Variants in LRRC53 observed in about 807,000 individuals in gnomAD.
LRRC53 encodes leucine-rich repeat-containing protein 53.
LRRC53 carries 25 observed loss-of-function variants against 13.6 expected under a neutral mutation model. That is an observed-to-expected ratio of 1.83 (90% CI 1.34 to 2.56). LRRC53 has a LOEUF of 2.56. Among genes scored for constraint, LRRC53 ranks in the 30% most tolerant of loss-of-function variants. The pLI is 0.00. For missense variants in LRRC53, 527 were observed against 275.8 expected (o/e 1.91, Z -6.45); for synonymous variants, 204 against 109.8 (o/e 1.86, Z -5.37).
chr1:74,486,199 TAAAG>T (rs1176159306), intron 1 of LRRC53, among the ~76,000 whole-genome samples: 2 of 57,764 alleles, frequency 3.5e-5, no homozygotes, highest in Non-Finnish European at 8.3e-5. Context: ...CTAAATGCTA[TAAAG>T]AGAGAGAGAG....
chr1:74,521,989 G>A, the LRRC53 span, among the ~76,000 whole-genome samples: 1 of 152,122 alleles, frequency 6.6e-6, no homozygotes, highest in Admixed American at 6.6e-5. Context: ...TCCAGGTAGA[G>A]TAAAAAAAAT....
Position 74,482,519 on chromosome 1 carries a change from T to C in LRRC53, c.88+743A>G, listed in dbSNP as rs1190214705. Among the ~76,000 whole-genome samples the C allele has an allele frequency of 3.3e-5, 5 of 152,214 alleles. No individual in the cohort carries two copies. In the East Asian group the frequency reaches 9.6e-4, roughly 29 times the overall value. On this transcript the variant is annotated intron_variant, in intron 2 of 4. Coordinates refer to ENST00000294635, the MANE Select transcript of LRRC53 (RefSeq NM_001382280.1). ...TATCCATGAAAACCTCTCTGTCCTG[T>C]CAAGGATGGTGACAACATCTACCTC... is the stretch of plus-strand genomic sequence containing the variant.
intron 1 of LRRC53, 122 bp from the exon 2 acceptor site, chr1:74,483,497 C>A: frequency 1.9e-6 from 1 of 523,906 alleles, no homozygotes; most frequent in Admixed American, 3.2e-5. Context: ...TCTTGGTGTT[C>A]TCTTAAGATG....
chr1:74,520,310 G>T, the LRRC53 span, among the ~76,000 whole-genome samples: 2 of 152,088 alleles, frequency 1.3e-5, no homozygotes, highest in South Asian at 2.1e-4. Context: ...TTAAATACAC[G>T]TACAGAATTG....
the LRRC53 span, among the ~76,000 whole-genome samples, chr1:74,527,708 T>G: frequency 1.6e-4 from 24 of 152,164 alleles, no homozygotes; most frequent in Non-Finnish European, 3.2e-4. Flanking sequence ...ATCAGGGAGG[T>G]GACATAATCT....
chr1:74,501,256 T>C (rs1669610015), intron 1 of LRRC53, among the ~76,000 whole-genome samples: 1 of 152,216 alleles, frequency 6.6e-6, no homozygotes, highest in African/African-American at 2.4e-5. Context: ...TTTAATGTGT[T>C]GTTTACTTTG....
At chr1:74,491,326 TCTC>T in intron 1 of LRRC53, among the ~76,000 whole-genome samples, 1 of 152,292 alleles carries the variant, frequency 6.6e-6, no homozygotes, top group East Asian at 1.9e-4. Context: ...TTCAAGCGAT[TCTC>T]CTGCCTCAGC....
intron 1 of LRRC53, chr1:74,492,407 T>C: frequency 8.7e-7 from 1 of 1,154,806 alleles, no homozygotes; most frequent in Non-Finnish European, 1.1e-6. Flanking sequence ...CCCATTTTTC[T>C]TACGTTATGA....
chr1:74,492,054 G>T, intron 1 of LRRC53: 11 of 1,451,260 alleles, frequency 7.6e-6, no homozygotes, highest in Non-Finnish European at 9.2e-6. Flanking sequence ...CTTCACACCT[G>T]TTGGAAGTAT....
intron 1 of LRRC53, among the ~76,000 whole-genome samples, chr1:74,499,333 A>C (rs1669491054): frequency 6.6e-6 from 1 of 152,162 alleles, no homozygotes; most frequent in South Asian, 2.1e-4. Flanking sequence ...TTTTGTAGAA[A>C]CAGAGTTTTA....
the LRRC53 span, among the ~76,000 whole-genome samples, chr1:74,520,635 C>A: frequency 5.9e-5 from 9 of 151,792 alleles, no homozygotes; most frequent in South Asian, 2.1e-4. Flanking sequence ...TGGGAAAAAT[C>A]AATCCTTCTT....
rs1215140963 is a variant in LRRC53 at position 74,483,269 on chromosome 1, A to G, written c.81T>C (p.Tyr27=). ...AGTTATTAGTTTTATTACCTACTAT[A>G]TAGGTTAGCTGGTGACAGAGGGTTA... The part of the protein sequence containing the change: ...KDVTLCHQLT[Y]IVAAPMTTRV... Residue 27 remains tyrosine, a synonymous_variant, in exon 2 of 5, where the codon TAT becomes TAC. Coordinates refer to ENST00000294635, the MANE Select transcript of LRRC53 (RefSeq NM_001382280.1). The G allele has an allele frequency of 5.6e-6, 4 of 717,270 alleles. No homozygotes were observed. Among genetic ancestry groups the G allele is most frequent in the Non-Finnish European group, 1.0e-5 (4 of 384,946 alleles). 44.4% of individuals were successfully genotyped at this position (717,270 alleles called of 1,614,324 possible). A position where few individuals can be genotyped will look rare whatever the true frequency, so the allele number is the denominator to read the frequency against.
At chr1:74,530,665 GA>G in the LRRC53 span, among the ~76,000 whole-genome samples, 4 of 152,080 alleles carry the variant, frequency 2.6e-5, no homozygotes, top group East Asian at 7.7e-4. Context: ...TGGTAGGTGG[GA>G]AAATGAGGAA....
chr1:74,524,095 G>A, the LRRC53 span, among the ~76,000 whole-genome samples: 556 of 152,336 alleles, frequency 3.6e-3, 4 homozygotes, highest in African/African-American at 0.013. Context: ...GAGCCTAACT[G>A]TGGCCAGCCA....
chr1:74,507,780 G>A (rs530786630), intron 1 of LRRC53, among the ~76,000 whole-genome samples: 63 of 152,262 alleles, frequency 4.1e-4, no homozygotes, highest in South Asian at 1.2e-3. Context: ...ATGAGCTACC[G>A]TCATCCAGGA....
At chr1:74,516,512 A>G (rs1033517758), upstream of LRRC53, among the ~76,000 whole-genome samples, 1 of 152,192 alleles carries the variant, frequency 6.6e-6, no homozygotes, top group East Asian at 1.9e-4. Context: ...GTGAGAAAGA[A>G]GTTCATTGTG....
intron 1 of LRRC53, among the ~76,000 whole-genome samples, chr1:74,496,459 A>G (rs1669330754): frequency 6.6e-6 from 1 of 152,160 alleles, no homozygotes; most frequent in Non-Finnish European, 1.5e-5. Context: ...TATAGTCCCT[A>G]CTAATGTATG....
chr1:74,531,229 G>T, the LRRC53 span, among the ~76,000 whole-genome samples: 1 of 152,156 alleles, frequency 6.6e-6, no homozygotes, highest in Non-Finnish European at 1.5e-5. Context: ...TCTGTAATGG[G>T]AGCAATAAAT....
chr1:74,508,364 G>A (rs796818359), intron 1 of LRRC53, among the ~76,000 whole-genome samples: 3 of 152,210 alleles, frequency 2.0e-5, no homozygotes, highest in Non-Finnish European at 4.4e-5. Flanking sequence ...TACTTTAAAT[G>A]TGTTATCTCA....
Sources: gnomAD v4.1 joint callset for allele counts (sites outside exome capture counted in the v4.1 genomes callset) on GRCh38, gnomAD v4.1.1 for gene constraint, MANE v1.5 for transcripts, NCBI Gene and HGNC (gene_info 2026-07-23, HGNC 2026-07-21) for gene names.